ABCA5: variants seen among roughly 807,000 people sequenced by gnomAD.
ABCA5 encodes the protein ATP binding cassette subfamily A member 5.
In ABCA5, 163 loss-of-function variants were observed where a neutral mutation model predicts 206.0. The ratio of observed to expected loss-of-function variants is 0.79; its 90% CI spans 0.70 to 0.90. ABCA5 has a LOEUF of 0.90. Ranked by LOEUF, ABCA5 falls within the 40% of genes least tolerant of loss-of-function variation. The pLI is 0.00. For missense variants in ABCA5, 1,859 were observed against 1,912.9 expected, an observed-to-expected ratio of 0.97 and a Z score of 0.53; for synonymous variants, 609 against 613.8, an observed-to-expected ratio of 0.99 and a Z score of 0.11.
At position 69,297,105 on chromosome 17, in the gene ABCA5, C is replaced by T. The variant is rs182646874; in HGVS notation, c.1436+86G>A. 4 of 1,295,520 alleles carry T rather than the reference C, an allele frequency of 3.1e-6. No homozygotes were observed. In the African/African-American group the frequency reaches 4.6e-5, roughly 15 times the overall value. 80.3% of individuals were successfully genotyped at this position (1,295,520 alleles called of 1,614,324 possible). ...TGGCATATGTACCAAATCTAATATACCATATTTACATACATATTTAAAGAA... is the reference window on the plus strand; with the variant it reads ...TGGCATATGTACCAAATCTAATATATCATATTTACATACATATTTAAAGAA... On this transcript the variant is annotated intron_variant, in intron 10 of 38. Coordinates refer to ENST00000392676, the MANE Select transcript of ABCA5 (RefSeq NM_172232.4).
intron 34 of ABCA5, among the ~76,000 whole-genome samples, chr17:69,252,555 G>A (rs1264861251): frequency 1.3e-5 from 2 of 152,122 alleles, no homozygotes; most frequent in Middle Eastern, 3.4e-3. Context: ...GTTGTTCAAG[G>A]CCAGGCACTG....
At chr17:69,293,946 A>G (rs1250045807) in intron 11 of ABCA5, among the ~76,000 whole-genome samples, 2 of 151,848 alleles carry the variant, frequency 1.3e-5, no homozygotes, top group African/African-American at 4.8e-5. Flanking sequence ...ACAATGCTAA[A>G]CATTCTACAT....
Position 69,264,920 on chromosome 17 carries a change from A to G in ABCA5, c.3145-15T>C, listed in dbSNP as rs1313663310. ...TAAGCTTTGATCTAAAAAAAATGAA[A>G]AACAATTTATTATAATTTTAGACAC... is the stretch of plus-strand genomic sequence containing the variant. On this transcript the variant is annotated splice_polypyrimidine_tract_variant and intron_variant, in intron 23 of 38. Transcript: ENST00000392676. 1 of 1,453,270 alleles carries G rather than the reference A, an allele frequency of 6.9e-7. No homozygotes were observed. 90.0% of individuals were successfully genotyped at this position (1,453,270 alleles called of 1,614,324 possible).
chr17:69,301,344 A>G, intron 8 of ABCA5, 58 bp from the exon 9 acceptor site: 5 of 1,457,790 alleles, frequency 3.4e-6, no homozygotes, highest in Non-Finnish European at 4.6e-6. Flanking sequence ...AGCAAAAGCT[A>G]ACACTACTTA....
At chr17:69,315,715 G>A (rs1049333384) in intron 1 of ABCA5, among the ~76,000 whole-genome samples, 4 of 151,648 alleles carry the variant, frequency 2.6e-5, no homozygotes, top group Admixed American at 6.6e-5. Context: ...CCCGGGAGGC[G>A]GAGGTTGCAG....
At chr17:69,310,646 CATCAG>C (rs2075759315) in intron 3 of ABCA5, among the ~76,000 whole-genome samples, 1 of 152,164 alleles carries the variant, frequency 6.6e-6, no homozygotes, top group Non-Finnish European at 1.5e-5. Context: ...CATTCTTTCT[CATCAG>C]ATAAGACTAA....
chr17:69,277,160 A>C (rs533353702), intron 19 of ABCA5, among the ~76,000 whole-genome samples: 2 of 152,268 alleles, frequency 1.3e-5, no homozygotes, highest in South Asian at 2.1e-4. Context: ...AGCCTTCTTT[A>C]TTTTTCAGTT....
In ABCA5 at chr17:69,326,315, C is replaced by A. The variant is rs1163416223; in HGVS notation, c.-16+737G>T. Reference sequence around the variant, plus strand: ...CCTCTTCCCTTAGATTCCTTCAGAACGCCCTTGTAGAAAGTAAACGTGGTT... The same window carrying A: ...CCTCTTCCCTTAGATTCCTTCAGAAAGCCCTTGTAGAAAGTAAACGTGGTT... On this transcript the variant is annotated intron_variant, in intron 1 of 38. Coordinates refer to ENST00000392676, the MANE Select transcript of ABCA5 (RefSeq NM_172232.4). The surrounding 1 kb of genome is among the most constrained non-coding windows in gnomAD (Gnocchi z 4.8). Among the ~76,000 whole-genome samples the A allele has an allele frequency of 6.6e-6, 1 of 152,212 alleles. No homozygotes were observed. The highest frequency in any genetic ancestry group is 1.5e-5 in the Non-Finnish European group (1 of 68,044).
At chr17:69,278,393 T>C (rs757856470) in intron 18 of ABCA5, among the ~76,000 whole-genome samples, 20 of 152,346 alleles carry the variant, frequency 1.3e-4, no homozygotes, top group Middle Eastern at 3.4e-3. Flanking sequence ...GAGACTTCTC[T>C]CTTATCACCA....
chr17:69,246,430 T>C lies in ABCA5; in HGVS notation c.*1107A>G, dbSNP rs1450251037. 6.6e-6 allele frequency: 1 copy of C among 151,964 alleles called. No homozygotes were observed. The highest frequency in any genetic ancestry group is 1.5e-5 in the Non-Finnish European group (1 of 67,844). The allele number at this position is 151,964 out of a possible 1,614,324, so 9.4% of individuals were successfully genotyped here. A position where few individuals can be genotyped will look rare whatever the true frequency, so the allele number is the denominator to read the frequency against. On this transcript the variant is annotated 3_prime_UTR_variant, in exon 39 of 39. Coordinates refer to ENST00000392676, the MANE Select transcript of ABCA5 (RefSeq NM_172232.4). ...GTACAAGGAAGTATTTCTAAGAAAA[T>C]ATTAGCCATGCCTTTAACTCTATCA...
intron 14 of ABCA5, among the ~76,000 whole-genome samples, chr17:69,288,486 G>C (rs1012425063): frequency 2.6e-5 from 4 of 152,038 alleles, no homozygotes; most frequent in Admixed American, 6.6e-5. Context: ...AAACTATAGA[G>C]AACAAGAGAG....
chr17:69,250,276 G>A (rs1220395074), intron 36 of ABCA5, among the ~76,000 whole-genome samples, 196 bp downstream of exon 36: 2 of 151,512 alleles, frequency 1.3e-5, no homozygotes, highest in African/African-American at 4.8e-5. Context: ...AATACAGAGA[G>A]AGATATATAA....
chr17:69,287,174 G>A (rs1357650082), intron 15 of ABCA5, among the ~76,000 whole-genome samples: 8 of 152,186 alleles, frequency 5.3e-5, no homozygotes, highest in Admixed American at 3.9e-4. Flanking sequence ...TGAACACTGA[G>A]TATATACTAA....
intron 6 of ABCA5, 118 bp from the exon 7 acceptor site, chr17:69,304,928 T>A (rs2075701174): frequency 2.1e-6 from 2 of 934,688 alleles, no homozygotes. Flanking sequence ...AAGTCACTGT[T>A]CATTTCTGTG....
At chr17:69,273,860 C>G in intron 20 of ABCA5, 99 bp downstream of exon 20, 1 of 1,141,890 alleles carries the variant, frequency 8.8e-7, no homozygotes, top group Non-Finnish European at 1.2e-6. Context: ...ACAGACCATG[C>G]CTTTACCTTA....
chr17:69,244,714 T>TA lies in ABCA5; in HGVS notation c.*2822dup, dbSNP rs1209805824. The TA allele has an allele frequency of 6.6e-6, 1 of 151,534 alleles. No individual in the cohort carries two copies. Among genetic ancestry groups the TA allele is most frequent in the African/African-American group, 2.4e-5 (1 of 41,388 alleles). 9.4% of individuals were successfully genotyped at this position (151,534 alleles called of 1,614,324 possible). On this transcript the variant is annotated 3_prime_UTR_variant, in exon 39 of 39. Transcript: ENST00000392676. Reference sequence around the variant, plus strand: ...CATGTTACACAAAAATACAGTATGGTATTTTAACAAACTCAGGGCACAATT... The same window carrying TA: ...CATGTTACACAAAAATACAGTATGGTAATTTTAACAAACTCAGGGCACAATT...
At chr17:69,279,168 G>A (rs918759471) in intron 18 of ABCA5, among the ~76,000 whole-genome samples, 4 of 152,170 alleles carry the variant, frequency 2.6e-5, no homozygotes, top group Non-Finnish European at 5.9e-5. Flanking sequence ...TCCTTCAGCT[G>A]ATAGGCAACT....
chr17:69,288,186 G>T (rs2075481577), intron 14 of ABCA5, among the ~76,000 whole-genome samples: 1 of 152,106 alleles, frequency 6.6e-6, no homozygotes, highest in Non-Finnish European at 1.5e-5. Context: ...CTGAGAGGAA[G>T]ACTAATGAAC....
At chr17:69,263,977 T>G (rs370111415) in intron 24 of ABCA5, among the ~76,000 whole-genome samples, 1 of 152,196 alleles carries the variant, frequency 6.6e-6, no homozygotes, top group Admixed American at 6.5e-5. Flanking sequence ...ATTATAGGCA[T>G]GAGCCCCCGC....
Sources: gnomAD v4.1 joint callset for allele counts (sites outside exome capture counted in the v4.1 genomes callset) on GRCh38, gnomAD v4.1.1 for gene constraint, Gnocchi (gnomAD v3.1) non-coding constraint, MANE v1.5 for transcripts, NCBI Gene and HGNC (gene_info 2026-07-23, HGNC 2026-07-21) for gene names.